Variants in GFRA2 observed in about 807,000 individuals in gnomAD.
The protein encoded by GFRA2 is GDNF family receptor alpha-2.
Under a neutral mutation model 48.3 loss-of-function variants are expected in GFRA2, and 17 were observed. The observed-to-expected ratio is 0.35, with a 90% CI of 0.24 to 0.53. The LOEUF (loss-of-function observed/expected upper bound fraction) is 0.53. Among genes scored for constraint, GFRA2 ranks in the 20% least tolerant of loss-of-function variants. GFRA2 has a pLI of 0.93. For synonymous variants in GFRA2, 305 were observed against 257.2 expected (o/e 1.19, Z -1.78); for missense variants, 660 against 637.3 (o/e 1.04, Z -0.38).
Position 21,750,877 on chromosome 8 carries a change from T to C in GFRA2, c.505A>G (p.Asn169Asp). 6.2e-7 allele frequency: 1 copy of C among 1,613,626 alleles called. No homozygotes were observed. Among genetic ancestry groups the C allele is most frequent in the Non-Finnish European group, 8.5e-7 (1 of 1,179,830 alleles). ...AGCTTCTTGCAGTTGTCATTCAGGT[T>C]GCAGGCCTTGGCAGCATCCAGGCAA... ...NHCLDAAKAC[N>D]LNDNCKKLRS... Residue 169 changes from asparagine to aspartate, a missense_variant, in exon 4 of 9, where the codon AAC becomes GAC. Asn to Asp is a conservative substitution (Grantham distance 23). Transcript: ENST00000524240. The surrounding 1 kb of genome is among the most constrained non-coding windows in gnomAD (Gnocchi z 5.7).
chr8:21,712,861 G>T (rs1803126028), intron 4 of GFRA2, among the ~76,000 whole-genome samples: 2 of 152,174 alleles, frequency 1.3e-5, no homozygotes, highest in Admixed American at 6.5e-5. Flanking sequence ...ACGAAAACCA[G>T]TCAGGCGTGG....
rs923378586 is a variant in GFRA2, at chr8:21,773,446, C to T, written c.439+1526G>A. Among the ~76,000 whole-genome samples, 561 of 152,368 alleles carry T rather than the reference C, an allele frequency of 3.7e-3. 2 individuals are homozygous for T. Among genetic ancestry groups the T allele is most frequent in the African/African-American group, 0.013 (544 of 41,584 alleles). The stretch of plus-strand genomic sequence containing the variant: ...CCCTTCCTGGGCATCCAAGATTTCT[C>T]CCACTAGGGACACGTGTATCATCCC... On this transcript the variant is annotated intron_variant, in intron 3 of 8. Transcript: ENST00000524240.
intron 4 of GFRA2, among the ~76,000 whole-genome samples, chr8:21,732,809 TAAG>T (rs1472200404): frequency 6.6e-6 from 1 of 152,056 alleles, no homozygotes; most frequent in Non-Finnish European, 1.5e-5. Flanking sequence ...CTTCAACACA[TAAG>T]AATAGCTCTG....
At chr8:21,778,901 T>G (rs1806838707) in intron 2 of GFRA2, among the ~76,000 whole-genome samples, 1 of 150,942 alleles carries the variant, frequency 6.6e-6, no homozygotes, top group Admixed American at 6.6e-5. Flanking sequence ...AAAAAATAAA[T>G]AAATAAAAAG....
chr8:21,711,673 C>T (rs4237074), intron 4 of GFRA2, among the ~76,000 whole-genome samples: 108,448 of 151,134 alleles, frequency 0.72, 39,120 homozygotes, highest in East Asian at 0.8. Context: ...GAAATACTTA[C>T]GCTAAACAGT....
chr8:21,732,221 C>T (rs2117503425), intron 4 of GFRA2, among the ~76,000 whole-genome samples: 1 of 152,312 alleles, frequency 6.6e-6, no homozygotes, highest in East Asian at 1.9e-4. Flanking sequence ...TTCTTGTGTC[C>T]CTTCCAGGGG....
chr8:21,761,057 C>T (rs886674688), intron 3 of GFRA2, among the ~76,000 whole-genome samples: 2 of 152,052 alleles, frequency 1.3e-5, no homozygotes, highest in African/African-American at 2.4e-5. Context: ...AGCAGAGACT[C>T]CAGGGAGTTG....
chr8:21,775,989 CTGTGTGTG>C (rs200687629), intron 2 of GFRA2, among the ~76,000 whole-genome samples: 7,084 of 126,386 alleles, frequency 0.056, 266 homozygotes, highest in African/African-American at 0.12. Flanking sequence ...CACTCATCCT[CTGTGTGTG>C]TGTGTGTGTG....
chr8:21,769,134 G>A (rs1427210500), intron 3 of GFRA2: 2 of 979,062 alleles, frequency 2.0e-6, no homozygotes, highest in Non-Finnish European at 2.4e-6. Context: ...GCACCACACA[G>A]TGAGGACACA....
chr8:21,699,417 G>A (rs145596967), intron 7 of GFRA2, among the ~76,000 whole-genome samples: 3 of 152,234 alleles, frequency 2.0e-5, no homozygotes, highest in African/African-American at 7.2e-5. Flanking sequence ...GGCAGGTGGA[G>A]ATGGGGAAGC....
intron 4 of GFRA2, among the ~76,000 whole-genome samples, chr8:21,714,578 A>G (rs1464136909): frequency 6.6e-6 from 1 of 152,094 alleles, no homozygotes; most frequent in East Asian, 1.9e-4. Flanking sequence ...TGTCACTTCC[A>G]TGGAAACCAG....
At chr8:21,737,879 G>A (rs1262327523) in intron 4 of GFRA2, among the ~76,000 whole-genome samples, 1 of 152,116 alleles carries the variant, frequency 6.6e-6, no homozygotes, top group Non-Finnish European at 1.5e-5. Flanking sequence ...GGTGAGCCCT[G>A]TCTCCCCAAA....
intron 2 of GFRA2, among the ~76,000 whole-genome samples, chr8:21,777,294 C>A (rs1430717350): frequency 4.6e-5 from 7 of 152,004 alleles, no homozygotes; most frequent in Non-Finnish European, 1.0e-4. Context: ...CAAGATCAGT[C>A]TTCTGTCCGC....
chr8:21,805,177 G>A (rs1489897535), intron 1 of GFRA2: 3 of 152,200 alleles, frequency 2.0e-5, no homozygotes, highest in Non-Finnish European at 4.4e-5. Context: ...AAATCACAAT[G>A]AAGTCATGTT....
At chr8:21,774,811 T>G (rs1014354074) in intron 3 of GFRA2, among the ~76,000 whole-genome samples, 161 bp downstream of exon 3, 37 of 152,322 alleles carry the variant, frequency 2.4e-4, no homozygotes, top group African/African-American at 8.9e-4. Context: ...CATCGTGTTC[T>G]TTACAGAGGA....
rs532235031 is a variant in GFRA2, at chr8:21,760,139, T to G, written c.440-9197A>C. ...AGAGCTTCCTGGAGGAGGCAGAAGTTAGAGGAAGTAGAAGTCAGAGGGACA... is the reference window on the plus strand; with the variant it reads ...AGAGCTTCCTGGAGGAGGCAGAAGTGAGAGGAAGTAGAAGTCAGAGGGACA... On this transcript the variant is annotated intron_variant, in intron 3 of 8. Transcript: ENST00000524240. Among the ~76,000 whole-genome samples, 26 of 152,102 alleles carry G rather than the reference T, an allele frequency of 1.7e-4. No individual in the cohort carries two copies. The South Asian group carries it at 5.2e-3, about 30-fold the overall frequency.
At position 21,746,376 on chromosome 8, in the gene GFRA2, C is replaced by T. The variant is rs145159582; in HGVS notation, c.794+4212G>A. On this transcript the variant is annotated intron_variant, in intron 4 of 8. Coordinates refer to ENST00000524240, the MANE Select transcript of GFRA2 (RefSeq NM_001495.5). ...TTCCGCCCTCATTCCTTCCCTACCT[C>T]TTCGGGACCACATTGAAATTTGCAT... 2.2e-3 allele frequency among the ~76,000 whole-genome samples: 339 copies of T among 152,292 alleles called. 2 individuals are homozygous for T. Among genetic ancestry groups the T allele is most frequent in the African/African-American group, 7.8e-3 (323 of 41,562 alleles).
upstream of GFRA2, among the ~76,000 whole-genome samples, chr8:21,790,356 T>G (rs1487895490): frequency 1.3e-5 from 2 of 152,368 alleles, no homozygotes; most frequent in East Asian, 3.9e-4. Flanking sequence ...CAATCTGGGC[T>G]GCACGTAACA....
chr8:21,695,545 G>C (rs1384123256), intron 7 of GFRA2, among the ~76,000 whole-genome samples: 3 of 152,166 alleles, frequency 2.0e-5, no homozygotes, highest in Non-Finnish European at 4.4e-5. Context: ...GCCAATGGTG[G>C]AGATAGGACC....
Sources: allele counts gnomAD v4.1 joint callset (sites outside exome capture counted in the v4.1 genomes callset), GRCh38; gene constraint gnomAD v4.1.1; non-coding constraint Gnocchi (gnomAD v3.1); transcripts MANE v1.5; gene names NCBI Gene and HGNC (gene_info 2026-07-23, HGNC 2026-07-21).